The following ALK variants were observed in gnomAD, a reference collection of about 807,000 sequenced individuals.
ALK encodes the protein ALK tyrosine kinase receptor.
Under a neutral mutation model 163.1 loss-of-function variants are expected in ALK, and 74 were observed. The ratio of observed to expected loss-of-function variants is 0.45; its 90% CI spans 0.38 to 0.55. The LOEUF (loss-of-function observed/expected upper bound fraction) is 0.55. Among genes scored for constraint, ALK ranks in the 20% least tolerant of loss-of-function variants. ALK has a pLI of 0.00. For synonymous variants in ALK, 960 were observed against 843.2 expected (o/e 1.14, Z -2.40); for missense variants, 2,063 against 2,105.3 (o/e 0.98, Z 0.39).
At chr2:29,668,348 G>C (rs1677580984) in intron 3 of ALK, among the ~76,000 whole-genome samples, 1 of 151,692 alleles carries the variant, frequency 6.6e-6, no homozygotes, top group African/African-American at 2.4e-5. Flanking sequence ...GGGTTCATTA[G>C]TCTACTTGAG....
intron 25 of ALK, among the ~76,000 whole-genome samples, chr2:29,207,721 T>G (rs993727910): frequency 2.0e-5 from 3 of 152,190 alleles, no homozygotes; most frequent in African/African-American, 7.2e-5. Context: ...AGCATTTAGT[T>G]CAGTATAGGC....
intron 1 of ALK, among the ~76,000 whole-genome samples, chr2:29,869,016 G>A (rs1046180452): frequency 2.6e-5 from 4 of 152,192 alleles, no homozygotes; most frequent in African/African-American, 9.7e-5. Context: ...GATAGCTACT[G>A]CTGACCAGGA....
At chr2:29,914,514 A>G (rs1232384042) in intron 1 of ALK, among the ~76,000 whole-genome samples, 1 of 152,236 alleles carries the variant, frequency 6.6e-6, no homozygotes, top group Non-Finnish European at 1.5e-5. Context: ...AAAAAACAAT[A>G]GTGGTTCATA....
intron 1 of ALK, among the ~76,000 whole-genome samples, chr2:29,804,643 T>C (rs1019502947): frequency 1.3e-5 from 2 of 152,168 alleles, no homozygotes; most frequent in Non-Finnish European, 2.9e-5. Context: ...GGGTTTAAGG[T>C]GATACCAGGG....
intron 5 of ALK, among the ~76,000 whole-genome samples, chr2:29,376,026 G>A (rs1668744884): frequency 6.6e-6 from 1 of 151,966 alleles, no homozygotes; most frequent in East Asian, 1.9e-4. Context: ...TCCCCAACCA[G>A]AGACATGCTA....
At chr2:29,896,982 T>C (rs141182984) in intron 1 of ALK, among the ~76,000 whole-genome samples, 3 of 152,168 alleles carry the variant, frequency 2.0e-5, no homozygotes, top group East Asian at 1.9e-4. Flanking sequence ...AGCTTAGATA[T>C]AGATAGACAT....
At chr2:29,607,134 C>T (rs528088336) in intron 3 of ALK, among the ~76,000 whole-genome samples, 1 of 152,100 alleles carries the variant, frequency 6.6e-6, no homozygotes, top group East Asian at 1.9e-4. Context: ...TGTAGACAGG[C>T]CTTACTTAGA....
At chr2:29,451,363 TC>T (rs1403455434) in intron 4 of ALK, among the ~76,000 whole-genome samples, 2 of 152,018 alleles carry the variant, frequency 1.3e-5, no homozygotes, top group Non-Finnish European at 2.9e-5. Context: ...CATCCACAGC[TC>T]CCCCACTGCC....
intron 4 of ALK, among the ~76,000 whole-genome samples, chr2:29,411,543 C>T (rs548746539): frequency 6.6e-6 from 1 of 152,212 alleles, no homozygotes; most frequent in African/African-American, 2.4e-5. Flanking sequence ...AACTCCTAGC[C>T]TCAAGTGATC....
rs200700248 is a variant in ALK at position 29,797,029 on chromosome 2, T to C, written c.668-79332A>G. 5.4e-4 allele frequency among the ~76,000 whole-genome samples: 71 copies of C among 131,890 alleles called. 1 individual carries two copies. Among genetic ancestry groups the C allele is most frequent in the East Asian group, 7.2e-4 (3 of 4,160 alleles). 86.5% of individuals were successfully genotyped at this position (131,890 alleles called of 152,430 possible). ...ACACACACACACACACACACACACATACACACACATATATATATGGAGAAA... is the reference window on the plus strand; with the variant it reads ...ACACACACACACACACACACACACACACACACACATATATATATGGAGAAA... On this transcript the variant is annotated intron_variant, in intron 1 of 28. Coordinates refer to ENST00000389048, the MANE Select transcript of ALK (RefSeq NM_004304.5).
chr2:29,609,589 C>G (rs1452531764), intron 3 of ALK, among the ~76,000 whole-genome samples: 1 of 152,058 alleles, frequency 6.6e-6, no homozygotes, highest in Non-Finnish European at 1.5e-5. Flanking sequence ...CCTGAAACAT[C>G]TGTGACATGT....
chr2:29,877,934 C>T (rs1666765101), intron 1 of ALK, among the ~76,000 whole-genome samples: 1 of 152,174 alleles, frequency 6.6e-6, no homozygotes, highest in Non-Finnish European at 1.5e-5. Context: ...TTCTGGCTTC[C>T]TTCCCAGACC....
rs117476874 is a variant in ALK at position 29,379,578 on chromosome 2, T to C, written c.1282+4154A>G. 5.4e-3 allele frequency among the ~76,000 whole-genome samples: 816 copies of C among 152,308 alleles called. 12 individuals are homozygous for C. The highest frequency in any genetic ancestry group is 0.019 in the African/African-American group (787 of 41,576). ...TAAAGTCTTCCAAGGAGAATTTCTGTGGCTGCAAATGACATTTCCTGGCCC... is the reference window on the plus strand; with the variant it reads ...TAAAGTCTTCCAAGGAGAATTTCTGCGGCTGCAAATGACATTTCCTGGCCC... On this transcript the variant is annotated intron_variant, in intron 5 of 28. Coordinates refer to ENST00000389048, the MANE Select transcript of ALK (RefSeq NM_004304.5).
intron 1 of ALK, among the ~76,000 whole-genome samples, chr2:29,880,413 C>A (rs1228021799): frequency 1.3e-5 from 2 of 152,132 alleles, no homozygotes; most frequent in Non-Finnish European, 2.9e-5. Flanking sequence ...TGCTGAGTAA[C>A]CTCAGGGCAG....
intron 3 of ALK, among the ~76,000 whole-genome samples, chr2:29,536,534 G>C (rs1673260828): frequency 6.6e-6 from 1 of 152,086 alleles, no homozygotes; most frequent in Admixed American, 6.6e-5. Context: ...AAATTACCCA[G>C]CCTTAGGTAT....
intron 4 of ALK, among the ~76,000 whole-genome samples, chr2:29,407,916 A>G (rs1183905953): frequency 6.6e-6 from 1 of 152,174 alleles, no homozygotes; most frequent in Non-Finnish European, 1.5e-5. Flanking sequence ...ATTAAGCCAA[A>G]TAAAGACCAA....
chr2:29,693,497 A>G (rs907948826), intron 3 of ALK, among the ~76,000 whole-genome samples: 4 of 152,130 alleles, frequency 2.6e-5, no homozygotes, highest in Admixed American at 1.3e-4. Context: ...AGCTTAAAAT[A>G]TAAGTCAAGG....
At chr2:29,203,012 G>A (rs747180898) in intron 26 of ALK, among the ~76,000 whole-genome samples, 4 of 152,128 alleles carry the variant, frequency 2.6e-5, no homozygotes, top group Admixed American at 6.5e-5. Context: ...GATCCCCTGG[G>A]TTGCTGGTGC....
At chr2:29,730,807 T>G (rs1457692346) in intron 1 of ALK, among the ~76,000 whole-genome samples, 1 of 152,194 alleles carries the variant, frequency 6.6e-6, no homozygotes, top group Non-Finnish European at 1.5e-5. Context: ...ACAGGCTCCA[T>G]AGGTCAGTGT....
Sources: allele counts gnomAD v4.1 joint callset (sites outside exome capture counted in the v4.1 genomes callset), GRCh38; gene constraint gnomAD v4.1.1; transcripts MANE v1.5; gene names NCBI Gene and HGNC (gene_info 2026-07-23, HGNC 2026-07-21).